Variants in RYR2 observed in about 807,000 individuals in gnomAD.
RYR2 encodes ryanodine receptor 2.
RYR2 carries 227 observed loss-of-function variants against 601.1 expected under a neutral mutation model. That is an observed-to-expected ratio of 0.38 (90% confidence interval 0.34 to 0.42). The LOEUF (loss-of-function observed/expected upper bound fraction) is 0.42, where lower values mean the gene tolerates loss of function less well. RYR2 is among the 10% of genes least tolerant of loss of function. The pLI is 1.00. For missense variants in RYR2, 4,646 were observed against 6,156.5 expected (o/e 0.75, Z 8.21); for synonymous variants, 2,223 against 2,175.1 (o/e 1.02, Z -0.61).
chr1:237,244,861 C>T (rs1346857965), intron 1 of RYR2, among the ~76,000 whole-genome samples: 1 of 152,088 alleles, frequency 6.6e-6, no homozygotes, highest in East Asian at 1.9e-4. Flanking sequence ...TTGTCAAAGC[C>T]CTTTATAGCA....
intron 56 of RYR2, among the ~76,000 whole-genome samples, chr1:237,663,117 A>C (rs1683961645): frequency 6.6e-6 from 1 of 152,236 alleles, no homozygotes; most frequent in African/African-American, 2.4e-5. Context: ...ACCAAAGGCC[A>C]CAAGTCTATT....
intron 36 of RYR2, among the ~76,000 whole-genome samples, chr1:237,612,345 C>T (rs947601638): frequency 4.6e-5 from 7 of 152,034 alleles, no homozygotes; most frequent in African/African-American, 1.7e-4. Context: ...CTAAACTCAA[C>T]TTATAGTTAT....
In RYR2 at chr1:237,261,921, G is replaced by T. The variant is rs1049853450; in HGVS notation, c.49-8576G>T. Reference sequence around the variant, plus strand: ...ACCTTCTAAGATTTTCAGATTTTTAGTTTATTTTTTAAAATTTGTCCTCTT... The same window carrying T: ...ACCTTCTAAGATTTTCAGATTTTTATTTTATTTTTTAAAATTTGTCCTCTT... On this transcript the variant is annotated intron_variant, in intron 1 of 104. Transcript: ENST00000366574. Among the ~76,000 whole-genome samples the T allele has an allele frequency of 1.1e-4, 17 of 151,926 alleles. 1 individual carries two copies. Among genetic ancestry groups the T allele is most frequent in the Non-Finnish European group, 8.8e-5 (6 of 67,968 alleles).
chr1:237,664,897 C>T (rs1684160557), intron 56 of RYR2, among the ~76,000 whole-genome samples: 1 of 152,266 alleles, frequency 6.6e-6, no homozygotes, highest in African/African-American at 2.4e-5. Flanking sequence ...AATATGTTCA[C>T]CCACTCCTCA....
At chr1:237,600,397 C>A (rs148736520) in intron 34 of RYR2, among the ~76,000 whole-genome samples, 2 of 152,096 alleles carry the variant, frequency 1.3e-5, no homozygotes, top group Admixed American at 6.6e-5. Flanking sequence ...TGAATATCCA[C>A]ATGCAGAAGA....
intron 71 of RYR2, among the ~76,000 whole-genome samples, chr1:237,716,912 A>C (rs1689311222): frequency 6.6e-6 from 1 of 152,170 alleles, no homozygotes; most frequent in Non-Finnish European, 1.5e-5. Flanking sequence ...AATTTTTTAT[A>C]TATTTATCTG....
chr1:237,052,248 A>G (rs1298124088), intron 1 of RYR2, among the ~76,000 whole-genome samples: 1 of 152,168 alleles, frequency 6.6e-6, no homozygotes, highest in Non-Finnish European at 1.5e-5. Flanking sequence ...CAACCTGGGA[A>G]CAGTAAGCTT....
chr1:237,719,045 C>T (rs532760668), intron 73 of RYR2, among the ~76,000 whole-genome samples: 1 of 152,264 alleles, frequency 6.6e-6, no homozygotes, highest in East Asian at 1.9e-4. Flanking sequence ...AGGCAAATCA[C>T]TTGAGCCCAA....
At chr1:237,283,096 T>A (rs1691069307) in intron 2 of RYR2, among the ~76,000 whole-genome samples, 1 of 152,218 alleles carries the variant, frequency 6.6e-6, no homozygotes, top group Admixed American at 6.5e-5. Flanking sequence ...TATACTCTGT[T>A]CTCGCTCTTC....
At chr1:237,472,489 A>AG (rs1660843507) in intron 17 of RYR2, among the ~76,000 whole-genome samples, 1 of 152,236 alleles carries the variant, frequency 6.6e-6, no homozygotes, top group South Asian at 2.1e-4. Context: ...AACAATGCCT[A>AG]GGATTGCCTT....
At chr1:237,453,015 A>G (rs1658381850) in intron 14 of RYR2, among the ~76,000 whole-genome samples, 1 of 152,054 alleles carries the variant, frequency 6.6e-6, no homozygotes, top group Non-Finnish European at 1.5e-5. Flanking sequence ...TATATTTGAA[A>G]ATGTGGATAC....
intron 8 of RYR2, among the ~76,000 whole-genome samples, chr1:237,377,714 A>G (rs531654443): frequency 5.9e-5 from 9 of 152,218 alleles, no homozygotes; most frequent in Non-Finnish European, 1.3e-4. Flanking sequence ...CTTTATTGAT[A>G]GAATGTAAAT....
chr1:237,454,088 C>T (rs1466032936), intron 14 of RYR2, among the ~76,000 whole-genome samples: 1 of 152,096 alleles, frequency 6.6e-6, no homozygotes, highest in Non-Finnish European at 1.5e-5. Context: ...TAGTGCTTTC[C>T]AATGAAAATC....
intron 63 of RYR2, among the ~76,000 whole-genome samples, chr1:237,694,865 CATAATTG>C (rs1687278023): frequency 6.6e-6 from 1 of 152,138 alleles, no homozygotes; most frequent in Admixed American, 6.5e-5. Context: ...TCTATTCCCT[CATAATTG>C]TGAGAGAAAT....
chr1:237,050,818 G>A (rs1014439793), intron 1 of RYR2, among the ~76,000 whole-genome samples: 10 of 152,242 alleles, frequency 6.6e-5, no homozygotes, highest in Non-Finnish European at 7.3e-5. Context: ...TGAGGTGATA[G>A]CCACTAGAAG....
intron 1 of RYR2, among the ~76,000 whole-genome samples, chr1:237,131,858 C>T (rs1199469349): frequency 6.6e-6 from 1 of 151,786 alleles, no homozygotes; most frequent in East Asian, 1.9e-4. Flanking sequence ...GTAGCTGGCA[C>T]TACTGGCATG....
chr1:237,150,949 T>C (rs114358821), intron 1 of RYR2, among the ~76,000 whole-genome samples: 2,788 of 152,224 alleles, frequency 0.018, 53 homozygotes, highest in Non-Finnish European at 0.032. Flanking sequence ...TTAGTTTTAC[T>C]TGGAGAACCT....
intron 1 of RYR2, among the ~76,000 whole-genome samples, chr1:237,104,467 T>C (rs1410487169): frequency 6.6e-6 from 1 of 152,162 alleles, no homozygotes; most frequent in Admixed American, 6.5e-5. Flanking sequence ...TGTCTAGCAC[T>C]GCTGCTTCTG....
chr1:237,156,878 CAAAAT>C (rs929820208), intron 1 of RYR2, among the ~76,000 whole-genome samples: 2 of 152,066 alleles, frequency 1.3e-5, no homozygotes, highest in African/African-American at 4.8e-5. Flanking sequence ...ATCAAAAAGA[CAAAAT>C]AATAGATGCT....
Sources: allele counts gnomAD v4.1 joint callset (sites outside exome capture counted in the v4.1 genomes callset), GRCh38; gene constraint gnomAD v4.1.1; transcripts MANE v1.5; gene names NCBI Gene and HGNC (gene_info 2026-07-23, HGNC 2026-07-21).